SKAP1: variants seen among roughly 807,000 people sequenced by gnomAD.
SKAP1 encodes src kinase-associated phosphoprotein 1.
Under a neutral mutation model 58.5 loss-of-function variants are expected in SKAP1, and 44 were observed. The ratio of observed to expected loss-of-function variants is 0.75; its 90% CI spans 0.59 to 0.97. SKAP1 has a LOEUF of 0.97. Among genes scored for constraint, SKAP1 ranks in the 50% least tolerant of loss-of-function variants. The pLI, the probability that SKAP1 is intolerant of heterozygous loss-of-function variation, is 0.00. For missense variants in SKAP1, 390 were observed against 435.2 expected, an observed-to-expected ratio of 0.90 and a Z score of 0.92; for synonymous variants, 127 against 149.7, an observed-to-expected ratio of 0.85 and a Z score of 1.11.
At chr17:48,307,821 T>C (rs2066168071) in intron 4 of SKAP1, 1 of 152,218 alleles carries the variant, frequency 6.6e-6, no homozygotes, top group African/African-American at 2.4e-5. Context: ...GGATAATGTA[T>C]ATTTACAACT....
chr17:48,373,061 G>C (rs1368914105), intron 2 of SKAP1, among the ~76,000 whole-genome samples: 2 of 152,128 alleles, frequency 1.3e-5, no homozygotes, highest in Non-Finnish European at 2.9e-5. Flanking sequence ...TTTGTATCCA[G>C]GTTGTATTAG....
chr17:48,387,796 G>C (rs2067296029), intron 2 of SKAP1, among the ~76,000 whole-genome samples: 1 of 152,046 alleles, frequency 6.6e-6, no homozygotes, highest in East Asian at 1.9e-4. Context: ...TCAAATTTAT[G>C]AGAAAAGTCA....
Position 48,182,438 on chromosome 17 carries a change from G to T in SKAP1, c.587C>A (p.Ala196Glu). ...RSYEFTATSP[A>E]EARDWVDQIS... ...TTGATCCACCCAGTCTCTGGCTTCTGCTGGACTAGTAGCTGTAAACTAGAG... is the reference window on the plus strand; with the variant it reads ...TTGATCCACCCAGTCTCTGGCTTCTTCTGGACTAGTAGCTGTAAACTAGAG... Residue 196 changes from alanine (A) to glutamate (E), a missense_variant, in exon 8 of 13, where the codon GCA becomes GAA. Transcript: ENST00000336915. 6.2e-7 allele frequency: 1 copy of T among 1,609,258 alleles called. No individual in the cohort carries two copies. Among genetic ancestry groups the T allele is most frequent in the Non-Finnish European group, 8.5e-7 (1 of 1,177,192 alleles).
At chr17:48,407,389 T>C (rs1288356199) in intron 1 of SKAP1, among the ~76,000 whole-genome samples, 4 of 152,248 alleles carry the variant, frequency 2.6e-5, no homozygotes, top group Non-Finnish European at 5.9e-5. Flanking sequence ...CAGTGCTCTC[T>C]GGATTCACAA....
At chr17:48,305,176 G>A (rs2066120843) in intron 4 of SKAP1, among the ~76,000 whole-genome samples, 1 of 152,062 alleles carries the variant, frequency 6.6e-6, no homozygotes, top group Non-Finnish European at 1.5e-5. Flanking sequence ...TGTTGTTGTT[G>A]TTATTTATTT....
the SKAP1 span, among the ~76,000 whole-genome samples, chr17:48,435,634 G>C: frequency 6.6e-6 from 1 of 152,142 alleles, no homozygotes; most frequent in Non-Finnish European, 1.5e-5. Flanking sequence ...GGTTTCTTTG[G>C]TTTCTTTTCA....
chr17:48,330,258 T>C (rs1469842386), intron 4 of SKAP1, among the ~76,000 whole-genome samples: 1 of 152,166 alleles, frequency 6.6e-6, no homozygotes, highest in Non-Finnish European at 1.5e-5. Context: ...TTTAAAAATT[T>C]TATATGAGAG....
intron 4 of SKAP1, among the ~76,000 whole-genome samples, chr17:48,326,346 C>T (rs1213835299): frequency 6.6e-6 from 1 of 152,098 alleles, no homozygotes; most frequent in African/African-American, 2.4e-5. Flanking sequence ...TCATTTGTTT[C>T]AAAGCTACAG....
chr17:48,320,992 T>A (rs1227527383), intron 4 of SKAP1, among the ~76,000 whole-genome samples: 1 of 152,118 alleles, frequency 6.6e-6, no homozygotes, highest in Non-Finnish European at 1.5e-5. Flanking sequence ...GGCATCCAGA[T>A]AATGAGCACC....
intron 4 of SKAP1, among the ~76,000 whole-genome samples, chr17:48,222,721 G>A (rs1287707930): frequency 3.3e-5 from 5 of 151,228 alleles, no homozygotes; most frequent in Middle Eastern, 3.2e-3. Context: ...CTCATGATAC[G>A]CCCACCTCGG....
chr17:48,427,054 A>C (rs1205222039), intron 1 of SKAP1, among the ~76,000 whole-genome samples: 1 of 152,210 alleles, frequency 6.6e-6, no homozygotes, highest in African/African-American at 2.4e-5. Context: ...CAATTCAAAC[A>C]ACACAAAGAT....
intron 4 of SKAP1, among the ~76,000 whole-genome samples, chr17:48,215,147 T>C (rs2064923691): frequency 1.3e-5 from 2 of 152,066 alleles, no homozygotes; most frequent in African/African-American, 4.8e-5. Context: ...GTAATGTTCC[T>C]ACAGTACTGT....
intron 11 of SKAP1, among the ~76,000 whole-genome samples, chr17:48,141,075 C>T (rs1358565022): frequency 2.0e-5 from 3 of 152,138 alleles, no homozygotes; most frequent in Non-Finnish European, 4.4e-5. Flanking sequence ...GTGTGAGCCA[C>T]TTCGCCCAGC....
intron 4 of SKAP1, among the ~76,000 whole-genome samples, chr17:48,208,048 T>G (rs1053479164): frequency 1.3e-5 from 2 of 152,210 alleles, no homozygotes; most frequent in Non-Finnish European, 2.9e-5. Context: ...TGTTAAAGGT[T>G]TCACCTTTTT....
intron 1 of SKAP1, among the ~76,000 whole-genome samples, chr17:48,397,244 G>C (rs1319916801): frequency 2.6e-5 from 4 of 152,116 alleles, no homozygotes; most frequent in Non-Finnish European, 5.9e-5. Context: ...TTTTAGGGGG[G>C]GGATGGAGTC....
chr17:48,308,235 C>T (rs911459553), intron 4 of SKAP1: 15 of 152,134 alleles, frequency 9.9e-5, no homozygotes, highest in Admixed American at 7.9e-4. Context: ...TTCACCCATC[C>T]TTCCAAAAGT....
intron 11 of SKAP1, among the ~76,000 whole-genome samples, chr17:48,146,491 TA>T (rs113358305): frequency 0.56 from 80,063 of 143,878 alleles, 22,814 homozygotes; most frequent in East Asian, 0.76. Context: ...AGACTCCATT[TA>T]AAAAAAAAAA....
At position 48,396,651 on chromosome 17, in the gene SKAP1, GA is replaced by G. The variant is rs1567897830; in HGVS notation, c.152+28del. ...TATAAATTGTTTTAAAGCTTATGAA[GA>G]AGATTAATGGAACCAGTTTATACAA... On this transcript the variant is annotated intron_variant, in intron 2 of 12. Transcript: ENST00000336915. 2.9e-6 allele frequency: 4 copies of G among 1,367,958 alleles called. No homozygotes were observed. In the African/African-American group the frequency reaches 4.3e-5, roughly 15 times the overall value. 84.7% of individuals were successfully genotyped at this position (1,367,958 alleles called of 1,614,324 possible). A position where few individuals can be genotyped will look rare whatever the true frequency, so the allele number is the denominator to read the frequency against.
At chr17:48,232,429 AT>A (rs2065135812) in intron 4 of SKAP1, among the ~76,000 whole-genome samples, 1 of 152,232 alleles carries the variant, frequency 6.6e-6, no homozygotes, top group South Asian at 2.1e-4. Flanking sequence ...GGGCACAAAT[AT>A]TTATATAATG....
Sources: allele counts gnomAD v4.1 joint callset (sites outside exome capture counted in the v4.1 genomes callset), GRCh38; gene constraint gnomAD v4.1.1; transcripts MANE v1.5; gene names NCBI Gene and HGNC (gene_info 2026-07-23, HGNC 2026-07-21).